HUWE1: variants seen among roughly 807,000 people sequenced by gnomAD.
HUWE1 encodes HECT, UBA and WWE domain containing E3 ubiquitin protein ligase 1, also known as E3 ubiquitin-protein ligase HUWE1.
In HUWE1, 18 loss-of-function variants were observed where a neutral mutation model predicts 299.4. The observed-to-expected ratio is 0.06, with a 90% CI of 0.04 to 0.09. The LOEUF is 0.09. HUWE1 is among the 10% of genes least tolerant of loss of function. The pLI is 1.00. For synonymous variants in HUWE1, 1,317 were observed against 1,286.1 expected (o/e 1.02, Z -0.51); for missense variants, 1,832 against 3,462.3 (o/e 0.53, Z 11.82).
intron 3 of HUWE1, among the ~76,000 whole-genome samples, chrX:53,679,292 A>C (rs1557052236): frequency 8.9e-6 from 1 of 111,776 alleles, no homozygotes; most frequent in East Asian, 2.8e-4. Context: ...AAGAAAAAAA[A>C]CAAAGCTTAA....
At chrX:53,534,942 G>GTT (rs34065694) in intron 81 of HUWE1, among the ~76,000 whole-genome samples, 1 of 100,747 alleles carries the variant, frequency 9.9e-6, no homozygotes. Context: ...AGCTGGGTTT[G>GTT]TTTTTTTTTT....
chrX:53,578,041 G>A (rs201840068), intron 43 of HUWE1, among the ~76,000 whole-genome samples: 4 of 110,194 alleles, frequency 3.6e-5, no homozygotes, highest in African/African-American at 1.3e-4. Flanking sequence ...AGTGAGGAGC[G>A]TCTCTGCCCG....
chrX:53,606,943 G>A (rs1485348524), intron 25 of HUWE1, among the ~76,000 whole-genome samples: 1 of 111,327 alleles, frequency 9.0e-6, no homozygotes, highest in Admixed American at 9.5e-5. Flanking sequence ...ACTTCAAAAT[G>A]GTTAAGATGA....
At chrX:53,534,973 G>GA (rs1211253610) in intron 81 of HUWE1, among the ~76,000 whole-genome samples, 1 of 107,959 alleles carries the variant, frequency 9.3e-6, no homozygotes, top group Non-Finnish European at 1.9e-5. Flanking sequence ...GTCTCACTCT[G>GA]TTGCCCAGGC....
chrX:53,647,361 C>T lies in HUWE1; in HGVS notation c.351+7G>A, dbSNP rs1031343272. 18 of 1,187,197 alleles carry T rather than the reference C, an allele frequency of 1.5e-5. No individual in the cohort carries two copies. The highest frequency in any genetic ancestry group is 2.1e-5 in the Non-Finnish European group (18 of 873,059). On this transcript the variant is annotated splice_region_variant and intron_variant, in intron 6 of 83. Coordinates refer to ENST00000262854, the MANE Select transcript of HUWE1 (RefSeq NM_031407.7). Reference sequence around the variant, plus strand: ...GAACAGGGTACACAGGCTTTAACCTCCCCTACCTCTATGGAACTGTACAGA... The same window carrying T: ...GAACAGGGTACACAGGCTTTAACCTTCCCTACCTCTATGGAACTGTACAGA...
chrX:53,652,455 G>C (rs2068533452), intron 4 of HUWE1, among the ~76,000 whole-genome samples: 1 of 111,546 alleles, frequency 9.0e-6, no homozygotes, highest in Admixed American at 9.5e-5. Flanking sequence ...CATATATCTA[G>C]TTCTTATATA....
intron 4 of HUWE1, 141 bp from the exon 5 acceptor site, chrX:53,648,451 G>A (rs1285072635): frequency 6.7e-6 from 3 of 451,101 alleles, no homozygotes; most frequent in Non-Finnish European, 1.2e-5. Context: ...AGATGTGCCA[G>A]ACAATCTCTT....
intron 4 of HUWE1, among the ~76,000 whole-genome samples, chrX:53,650,499 T>C (rs782574249): frequency 1.8e-5 from 2 of 112,579 alleles, no homozygotes; most frequent in East Asian, 5.6e-4. Flanking sequence ...ATCAATTTAA[T>C]GTACCAGTAC....
chrX:53,646,442 G>A (rs782556486), intron 6 of HUWE1, among the ~76,000 whole-genome samples: 1 of 111,812 alleles, frequency 8.9e-6, no homozygotes. Context: ...ACAGACATGA[G>A]CCACTGCACC....
At position 53,579,444 on chromosome X, in the gene HUWE1, G is replaced by C. The variant is rs1316625573; in HGVS notation, c.5716+1387C>G. ...GCCCGGCCACGACCCCGTCTGGGAG[G>C]TGTGCCCAGTGGCTCATTGGGGATG... is the stretch of plus-strand genomic sequence containing the variant. On this transcript the variant is annotated intron_variant, in intron 43 of 83. Coordinates refer to ENST00000262854, the MANE Select transcript of HUWE1 (RefSeq NM_031407.7). 4.4e-5 allele frequency among the ~76,000 whole-genome samples: 5 copies of C among 112,527 alleles called. No individual in the cohort carries two copies. The Admixed American group carries it at 4.6e-4, about 10-fold the overall frequency.
chrX:53,549,041 C>G lies in HUWE1; in HGVS notation c.9953G>C (p.Gly3318Ala). 2 of 1,210,604 alleles carry G rather than the reference C, an allele frequency of 1.7e-6. No homozygotes were observed. Among genetic ancestry groups the G allele is most frequent in the Non-Finnish European group, 2.2e-6 (2 of 894,894 alleles). ...GGGATGGATGTGGACGGTGGAGCCACCGCTTGCATGCTTCTCGGTATGTTT... is the reference window on the plus strand; with the variant it reads ...GGGATGGATGTGGACGGTGGAGCCAGCGCTTGCATGCTTCTCGGTATGTTT... The part of the protein sequence containing the change: ...GRKHTEKHAS[G>A]GSTVHIHPQA... Residue 3318 changes from glycine to alanine, a missense_variant, in exon 67 of 84, where the codon GGT (glycine) becomes GCT (alanine). Transcript: ENST00000262854.
At chrX:53,587,313 A>T (rs1556974186) in intron 37 of HUWE1, among the ~76,000 whole-genome samples, 1 of 112,492 alleles carries the variant, frequency 8.9e-6, no homozygotes, top group Non-Finnish European at 1.9e-5. Flanking sequence ...GGAATAATTA[A>T]ACACAGTTAA....
intron 3 of HUWE1, among the ~76,000 whole-genome samples, chrX:53,656,540 C>T (rs150216208): frequency 1.5e-4 from 7 of 45,799 alleles, no homozygotes; most frequent in Non-Finnish European, 7.7e-5. Context: ...AGACTCCAGT[C>T]TCAAAAAAAA....
chrX:53,607,457 T>A, intron 25 of HUWE1, 66 bp downstream of exon 25: 1 of 988,979 alleles, frequency 1.0e-6, no homozygotes, highest in Non-Finnish European at 1.4e-6. Flanking sequence ...TAAAAACATA[T>A]ATACAGAAGT....
At chrX:53,681,250 G>A (rs868935455) in intron 2 of HUWE1, among the ~76,000 whole-genome samples, 8 of 109,756 alleles carry the variant, frequency 7.3e-5, no homozygotes, top group Non-Finnish European at 1.1e-4. Flanking sequence ...CCTGGCCAAC[G>A]TGGTGAAACT....
At chrX:53,601,381 G>A (rs1031522916) in intron 28 of HUWE1, among the ~76,000 whole-genome samples, 15 of 109,311 alleles carry the variant, frequency 1.4e-4, no homozygotes. Flanking sequence ...ATAGAGTTTC[G>A]TCATGTTGCC....
chrX:53,649,146 T>C (rs1231212351), intron 4 of HUWE1, among the ~76,000 whole-genome samples: 3 of 112,246 alleles, frequency 2.7e-5, no homozygotes, highest in African/African-American at 9.7e-5. Context: ...CTTTTTAACT[T>C]CATGTTTACT....
intron 6 of HUWE1, among the ~76,000 whole-genome samples, chrX:53,647,108 C>CT (rs79645100): frequency 5.8e-3 from 652 of 112,035 alleles, no homozygotes; most frequent in East Asian, 0.02. Flanking sequence ...TCCTTAAATA[C>CT]TTTAATACAT....
intron 7 of HUWE1, among the ~76,000 whole-genome samples, chrX:53,643,040 T>G (rs889004247): frequency 1.8e-5 from 2 of 112,505 alleles, no homozygotes; most frequent in Non-Finnish European, 3.7e-5. Flanking sequence ...CATTGGTAAC[T>G]ATACTATTTA....
Sources: allele counts gnomAD v4.1 joint callset (sites outside exome capture counted in the v4.1 genomes callset), GRCh38; gene constraint gnomAD v4.1.1; transcripts MANE v1.5; gene names NCBI Gene and HGNC (gene_info 2026-07-23, HGNC 2026-07-21).